Variants in SCAPER observed in about 807,000 individuals in gnomAD.
SCAPER encodes S-phase cyclin A associated protein in the ER.
Under a neutral mutation model 182.2 loss-of-function variants are expected in SCAPER, and 98 were observed. The observed-to-expected ratio is 0.54, with a 90% CI of 0.46 to 0.64. SCAPER has a LOEUF of 0.64. Among genes scored for constraint, SCAPER ranks in the 30% least tolerant of loss-of-function variants. The pLI is 0.00. For synonymous variants in SCAPER, 605 were observed against 564.6 expected (o/e 1.07, Z -1.01); for missense variants, 1,432 against 1,690.0 (o/e 0.85, Z 2.68).
intron 21 of SCAPER, among the ~76,000 whole-genome samples, chr15:76,622,971 T>C (rs2052230404): frequency 6.6e-6 from 1 of 152,202 alleles, no homozygotes; most frequent in Non-Finnish European, 1.5e-5. Context: ...AATGAGTGCA[T>C]GTGACATCCA....
At chr15:76,491,518 A>G (rs1443356753) in intron 24 of SCAPER, among the ~76,000 whole-genome samples, 1 of 152,166 alleles carries the variant, frequency 6.6e-6, no homozygotes, top group Non-Finnish European at 1.5e-5. Flanking sequence ...TATCTTTTTG[A>G]GATAGTTACA....
intron 21 of SCAPER, among the ~76,000 whole-genome samples, chr15:76,662,233 TAATATC>T (rs1260174923): frequency 6.6e-5 from 10 of 152,094 alleles, no homozygotes; most frequent in Non-Finnish European, 1.5e-4. Flanking sequence ...ATGCTGGACT[TAATATC>T]TAGATGATGG....
In SCAPER at chr15:76,679,688, T is replaced by C. The variant is rs186603821; in HGVS notation, c.2509-13899A>G. On this transcript the variant is annotated intron_variant, in intron 20 of 31. Coordinates refer to ENST00000563290, the MANE Select transcript of SCAPER (RefSeq NM_020843.4). ...CATGCAAAAGAGAAAAGCCATCCAC[T>C]GATAAGGATGACAGTTCACCATCTG... 2.6e-5 allele frequency among the ~76,000 whole-genome samples: 4 copies of C among 152,300 alleles called. No individual in the cohort carries two copies. The East Asian group carries it at 7.7e-4, about 29-fold the overall frequency.
intron 17 of SCAPER, among the ~76,000 whole-genome samples, chr15:76,708,959 G>C (rs1263623178): frequency 1.3e-5 from 2 of 151,852 alleles, no homozygotes; most frequent in Admixed American, 1.3e-4. Flanking sequence ...CCAGCTACTT[G>C]GCAGGCCAAG....
chr15:76,785,598 T>C (rs1480237263), intron 8 of SCAPER, among the ~76,000 whole-genome samples: 1 of 152,214 alleles, frequency 6.6e-6, no homozygotes, highest in Admixed American at 6.5e-5. Flanking sequence ...TGTGGCACTA[T>C]TCACAATAGA....
At chr15:76,365,454 C>T (rs1206600832) in intron 29 of SCAPER, among the ~76,000 whole-genome samples, 2 of 152,176 alleles carry the variant, frequency 1.3e-5, no homozygotes, top group Non-Finnish European at 2.9e-5. Context: ...TGTTCAAACA[C>T]AGCACAAGAA....
intron 29 of SCAPER, among the ~76,000 whole-genome samples, chr15:76,367,703 C>G (rs1336141037): frequency 6.6e-6 from 1 of 152,040 alleles, no homozygotes; most frequent in Non-Finnish European, 1.5e-5. Context: ...TTGAACTACC[C>G]TTGTGTGGAA....
intron 17 of SCAPER, among the ~76,000 whole-genome samples, chr15:76,727,717 C>G (rs989766266): frequency 6.6e-6 from 1 of 151,880 alleles, no homozygotes; most frequent in African/African-American, 2.4e-5. Flanking sequence ...TTCTACTAAA[C>G]TGCAACCAAG....
At chr15:76,840,041 T>A (rs768051174) in intron 5 of SCAPER, among the ~76,000 whole-genome samples, 38 of 152,166 alleles carry the variant, frequency 2.5e-4, no homozygotes, top group Non-Finnish European at 1.0e-4. Flanking sequence ...AACAGAAAAC[T>A]AAGTCCAGTA....
chr15:76,721,702 T>C (rs2060253392), intron 17 of SCAPER, among the ~76,000 whole-genome samples: 1 of 151,908 alleles, frequency 6.6e-6, no homozygotes, highest in Non-Finnish European at 1.5e-5. Context: ...TGAATGGGAG[T>C]TCACTCATGA....
chr15:76,446,618 T>C (rs4886495), intron 25 of SCAPER, among the ~76,000 whole-genome samples: 52,795 of 152,006 alleles, frequency 0.35, 9,443 homozygotes, highest in East Asian at 0.58. Context: ...TAAGGACAGA[T>C]GTGTTATGGA....
intron 29 of SCAPER, among the ~76,000 whole-genome samples, chr15:76,374,132 G>A (rs962097321): frequency 6.6e-5 from 10 of 151,980 alleles, no homozygotes; most frequent in African/African-American, 2.4e-4. Context: ...GCTCACACCT[G>A]TAATCCCAGT....
chr15:76,374,987 G>A (rs566644270), intron 29 of SCAPER, among the ~76,000 whole-genome samples: 107 of 151,892 alleles, frequency 7.0e-4, no homozygotes, highest in Non-Finnish European at 1.3e-3. Context: ...AGCATTTTGG[G>A]AGGCCAAGGC....
intron 4 of SCAPER, among the ~76,000 whole-genome samples, chr15:76,842,753 C>T (rs2069604268): frequency 6.6e-6 from 1 of 152,174 alleles, no homozygotes; most frequent in Non-Finnish European, 1.5e-5. Flanking sequence ...CTCCACTTTA[C>T]AGATTAATAA....
intron 2 of SCAPER, among the ~76,000 whole-genome samples, chr15:76,874,333 ATATG>A (rs2072995806): frequency 6.6e-6 from 1 of 152,230 alleles, no homozygotes; most frequent in Non-Finnish European, 1.5e-5. Context: ...GCTTTAAAGG[ATATG>A]TAAGAAAGAA....
At chr15:76,630,895 T>G (rs1409760593) in intron 21 of SCAPER, among the ~76,000 whole-genome samples, 1 of 152,108 alleles carries the variant, frequency 6.6e-6, no homozygotes, top group African/African-American at 2.4e-5. Flanking sequence ...GACAGTGGAG[T>G]GTTAAAGTCT....
At chr15:76,552,358 G>A (rs541486590) in intron 23 of SCAPER, among the ~76,000 whole-genome samples, 1 of 152,092 alleles carries the variant, frequency 6.6e-6, no homozygotes, top group African/African-American at 2.4e-5. Context: ...TCCCACTAAA[G>A]GACTGCACAT....
chr15:76,805,162 T>A (rs2066061917), intron 5 of SCAPER, among the ~76,000 whole-genome samples: 1 of 152,252 alleles, frequency 6.6e-6, no homozygotes. Flanking sequence ...TATATTTGTT[T>A]ATTCATTTAT....
At chr15:76,596,655 T>G (rs1251285820) in intron 22 of SCAPER, among the ~76,000 whole-genome samples, 1 of 121,348 alleles carries the variant, frequency 8.2e-6, no homozygotes, top group African/African-American at 2.5e-5. Context: ...CAAGGCTGGT[T>G]CAACATACAC....
Sources: allele counts gnomAD v4.1 joint callset (sites outside exome capture counted in the v4.1 genomes callset), GRCh38; gene constraint gnomAD v4.1.1; transcripts MANE v1.5; gene names NCBI Gene and HGNC (gene_info 2026-07-23, HGNC 2026-07-21).